DYM: variants seen among roughly 807,000 people sequenced by gnomAD.
The protein encoded by DYM is dyggve-Melchior-Clausen syndrome protein.
Under a neutral mutation model 93.1 loss-of-function variants are expected in DYM, and 78 were observed. That is an observed-to-expected ratio of 0.84 (90% CI 0.70 to 1.01). The LOEUF is 1.01. Ranked by LOEUF, DYM falls within the 50% of genes least tolerant of loss-of-function variation. The pLI, the probability that DYM is intolerant of heterozygous loss-of-function variation, is 0.00. For missense variants in DYM, 789 were observed against 845.0 expected (o/e 0.93, Z 0.82); for synonymous variants, 321 against 319.7 (o/e 1.00, Z -0.04).
chr18:49,267,910 A>C (rs1329812667), intron 11 of DYM, among the ~76,000 whole-genome samples: 1 of 152,136 alleles, frequency 6.6e-6, no homozygotes, highest in African/African-American at 2.4e-5. Context: ...CAAACAAACA[A>C]ACAAACAAAC....
At chr18:49,382,438 A>T (rs1289278150) in intron 3 of DYM, among the ~76,000 whole-genome samples, 2 of 152,212 alleles carry the variant, frequency 1.3e-5, no homozygotes, top group African/African-American at 4.8e-5. Flanking sequence ...TTTAAACAAT[A>T]CTCCATGGTA....
chr18:49,389,321 T>C (rs577755127), intron 3 of DYM, among the ~76,000 whole-genome samples: 1 of 152,082 alleles, frequency 6.6e-6, no homozygotes, highest in Non-Finnish European at 1.5e-5. Flanking sequence ...TGTCTGTGTG[T>C]GTGTGTGTGT....
At chr18:49,096,480 G>A (rs1400305644) in intron 17 of DYM, among the ~76,000 whole-genome samples, 1 of 152,176 alleles carries the variant, frequency 6.6e-6, no homozygotes, top group Admixed American at 6.5e-5. Context: ...CGTGAACTGT[G>A]ACAAAACACT....
At chr18:49,207,142 C>G (rs940310473) in intron 14 of DYM, among the ~76,000 whole-genome samples, 1 of 152,048 alleles carries the variant, frequency 6.6e-6, no homozygotes, top group African/African-American at 2.4e-5. Flanking sequence ...TCTGCTCCTG[C>G]TAGGTGAGGA....
At chr18:49,201,501 G>A (rs1293839401) in intron 14 of DYM, among the ~76,000 whole-genome samples, 1 of 152,054 alleles carries the variant, frequency 6.6e-6, no homozygotes, top group Non-Finnish European at 1.5e-5. Flanking sequence ...AAAGCACCAA[G>A]TAAAACTCAA....
chr18:49,354,483 G>A (rs1379881774), intron 6 of DYM, among the ~76,000 whole-genome samples: 1 of 152,084 alleles, frequency 6.6e-6, no homozygotes, highest in Non-Finnish European at 1.5e-5. Context: ...GAAAGACACT[G>A]TGAAGAGAAT....
intron 2 of DYM, among the ~76,000 whole-genome samples, chr18:49,421,742 A>G (rs2073736854): frequency 6.6e-6 from 1 of 152,240 alleles, no homozygotes; most frequent in Admixed American, 6.5e-5. Context: ...ATCGCGAAGA[A>G]GCTAAAAACC....
intron 10 of DYM, among the ~76,000 whole-genome samples, chr18:49,281,775 G>A (rs1006466473): frequency 2.6e-5 from 4 of 152,144 alleles, no homozygotes; most frequent in Admixed American, 6.6e-5. Flanking sequence ...GACACAGGAA[G>A]GGGAACATCA....
chr18:49,316,754 T>C (rs1024056409), intron 8 of DYM, among the ~76,000 whole-genome samples: 1 of 151,340 alleles, frequency 6.6e-6, no homozygotes, highest in Admixed American at 6.6e-5. Flanking sequence ...CTGATCTTTT[T>C]ACTATCTCTC....
intron 17 of DYM, among the ~76,000 whole-genome samples, chr18:49,091,466 T>C (rs367781607): frequency 6.6e-6 from 1 of 152,070 alleles, no homozygotes; most frequent in African/African-American, 2.4e-5. Flanking sequence ...CCAGCAGATA[T>C]CTGGAGCAGG....
At chr18:49,418,359 G>T (rs2073243137) in intron 2 of DYM, among the ~76,000 whole-genome samples, 1 of 151,714 alleles carries the variant, frequency 6.6e-6, no homozygotes, top group African/African-American at 2.4e-5. Context: ...AAAATATTTA[G>T]GAAAAAAACA....
chr18:49,271,789 A>ATG (rs922676070), intron 11 of DYM, among the ~76,000 whole-genome samples: 1 of 152,092 alleles, frequency 6.6e-6, no homozygotes, highest in African/African-American at 2.4e-5. Flanking sequence ...AAATATATAT[A>ATG]TAAAACAATG....
At chr18:49,279,805 A>G (rs542382606) in intron 10 of DYM, among the ~76,000 whole-genome samples, 16 of 152,240 alleles carry the variant, frequency 1.1e-4, no homozygotes, top group African/African-American at 3.9e-4. Context: ...TTCATACTCA[A>G]TTTGCTATTT....
intron 5 of DYM, among the ~76,000 whole-genome samples, chr18:49,367,074 A>G (rs2066591915): frequency 6.6e-6 from 1 of 152,298 alleles, no homozygotes; most frequent in African/African-American, 2.4e-5. Flanking sequence ...ACAAAACCCC[A>G]AGTACTATGG....
intron 6 of DYM, among the ~76,000 whole-genome samples, chr18:49,335,128 G>A (rs1469764416): frequency 6.6e-6 from 1 of 151,862 alleles, no homozygotes. Flanking sequence ...AATAAAGAAA[G>A]AAAAAGAAAT....
At chr18:49,186,514 C>T (rs1285781634) in intron 14 of DYM, among the ~76,000 whole-genome samples, 1 of 152,142 alleles carries the variant, frequency 6.6e-6, no homozygotes, top group Admixed American at 6.5e-5. Context: ...TATTAATCCA[C>T]CAAAGGTCTG....
chr18:49,436,749 T>C (rs2080893804), intron 1 of DYM, among the ~76,000 whole-genome samples: 1 of 152,176 alleles, frequency 6.6e-6, no homozygotes, highest in South Asian at 2.1e-4. Flanking sequence ...AATTTAAATA[T>C]GGGTCCTCCT....
In DYM at chr18:49,216,803, A is replaced by G. The variant is rs1328115481; in HGVS notation, c.1461-7088T>C. On this transcript the variant is annotated intron_variant, in intron 13 of 17. Coordinates refer to ENST00000675505, the MANE Select transcript of DYM (RefSeq NM_001353214.3). The stretch of plus-strand genomic sequence containing the variant: ...AGTAGATAAAACCACAAAGATGGGG[A>G]AAAAACAGAGCAAAAAAACTGGAAA... 2.6e-5 allele frequency among the ~76,000 whole-genome samples: 4 copies of G among 152,188 alleles called. 1 individual carries two copies. The highest frequency in any genetic ancestry group is 5.9e-5 in the Non-Finnish European group (4 of 68,018).
intron 12 of DYM, 27 bp from the exon 13 acceptor site, chr18:49,257,131 A>G: frequency 6.5e-7 from 1 of 1,549,304 alleles, no homozygotes; most frequent in African/African-American, 1.4e-5. Context: ...GGTGTAAAAC[A>G]TACAATCAAG....
Sources: gnomAD v4.1 joint callset for allele counts (sites outside exome capture counted in the v4.1 genomes callset) on GRCh38, gnomAD v4.1.1 for gene constraint, MANE v1.5 for transcripts, NCBI Gene and HGNC (gene_info 2026-07-23, HGNC 2026-07-21) for gene names.